Variants in FUBP3 observed in about 807,000 individuals in gnomAD.
FUBP3 encodes far upstream element-binding protein 3.
A neutral mutation model predicts 85.6 loss-of-function variants in FUBP3; 28 were observed. The observed-to-expected ratio is 0.33, with a 90% confidence interval of 0.24 to 0.45. The LOEUF (loss-of-function observed/expected upper bound fraction) is 0.45. Among genes scored for constraint, FUBP3 ranks in the 20% least tolerant of loss-of-function variants. FUBP3 has a pLI of 1.00. For missense variants in FUBP3, 583 were observed against 755.1 expected, an observed-to-expected ratio of 0.77 and a Z score of 2.67; for synonymous variants, 271 against 271.4, an observed-to-expected ratio of 1.00 and a Z score of 0.01.
chr9:130,594,979 C>T (rs895624569), intron 1 of FUBP3, among the ~76,000 whole-genome samples: 1 of 151,036 alleles, frequency 6.6e-6, no homozygotes, highest in Non-Finnish European at 1.5e-5. Context: ...ATAATCCCAG[C>T]ACTTTGAGAG....
chr9:130,581,859 C>G (rs1830144160), intron 1 of FUBP3: 1 of 152,170 alleles, frequency 6.6e-6, no homozygotes, highest in South Asian at 2.1e-4. Context: ...GATCGTAATA[C>G]TCTCAGTTGA....
Position 130,579,609 on chromosome 9 carries a change from G to GAGGCCGGACCGGGGAGCCGAGCGGC in FUBP3, c.-71_-47dup. The GAGGCCGGACCGGGGAGCCGAGCGGC allele has an allele frequency of 1.0e-6, 1 of 964,054 alleles. No homozygotes were observed. The highest frequency in any genetic ancestry group is 5.2e-5 in the South Asian group (1 of 19,186). The allele number at this position is 964,054 out of a possible 1,614,324, so 59.7% of individuals were successfully genotyped here. A position where few individuals can be genotyped will look rare whatever the true frequency, so the allele number is the denominator to read the frequency against. On this transcript the variant is annotated 5_prime_UTR_variant, in exon 1 of 19. Transcript: ENST00000319725. Reference sequence around the variant, plus strand: ...GGCTACGGGTCCCCAAGCGGAGCGGGAGGCCGGACCGGGGAGCCGAGCGGC... The same window carrying GAGGCCGGACCGGGGAGCCGAGCGGC: ...GGCTACGGGTCCCCAAGCGGAGCGGGAGGCCGGACCGGGGAGCCGAGCGGCAGGCCGGACCGGGGAGCCGAGCGGC...
intron 9 of FUBP3, 141 bp downstream of exon 9, chr9:130,620,599 G>T (rs975308325): frequency 4.9e-5 from 23 of 469,820 alleles, no homozygotes; most frequent in Admixed American, 2.5e-4. Context: ...CTTAGGGTGG[G>T]TGTGAGGGTG....
intron 1 of FUBP3, among the ~76,000 whole-genome samples, chr9:130,586,768 T>TTTC (rs1830355051): frequency 7.2e-6 from 1 of 139,208 alleles, no homozygotes; most frequent in Non-Finnish European, 1.5e-5. Context: ...TTTTTTTTTT[T>TTTC]CAGACGGAGT....
intron 6 of FUBP3, among the ~76,000 whole-genome samples, chr9:130,615,035 TAAG>T (rs1437240187): frequency 1.3e-5 from 2 of 152,210 alleles, no homozygotes. Flanking sequence ...ACAGGGGTGC[TAAG>T]ATTATATCTG....
chr9:130,633,129 C>T (rs75925530), intron 16 of FUBP3, among the ~76,000 whole-genome samples: 2,809 of 152,322 alleles, frequency 0.018, 61 homozygotes, highest in African/African-American at 0.053. Context: ...GCCTTAGGCA[C>T]GCCCTGCCTT....
chr9:130,589,705 A>ATTT (rs779633795), intron 1 of FUBP3, among the ~76,000 whole-genome samples: 24 of 73,816 alleles, frequency 3.3e-4, no homozygotes, highest in African/African-American at 6.9e-4. Context: ...ATATATATAT[A>ATTT]TTTTTTTTTT....
Position 130,635,482 on chromosome 9 carries a change from C to T in FUBP3, c.1583-517C>T, listed in dbSNP as rs1042120623. Among the ~76,000 whole-genome samples the T allele has an allele frequency of 4.6e-5, 7 of 152,168 alleles. No homozygotes were observed. The South Asian group carries it at 6.2e-4, about 13-fold the overall frequency. On this transcript the variant is annotated intron_variant, in intron 17 of 18. Transcript: ENST00000319725. The surrounding 1 kb of genome is among the most constrained non-coding windows in gnomAD (Gnocchi z 4.3). ...GTGGTCCCCCTGGTGTTGGCATCAT[C>T]GCCAGGTTCATGGCCCTTCTAGGGG...
At chr9:130,607,851 C>T (rs1831538158) in intron 2 of FUBP3, among the ~76,000 whole-genome samples, 2 of 152,208 alleles carry the variant, frequency 1.3e-5, no homozygotes. Flanking sequence ...TGGACTTGAA[C>T]CTGATTTCCT....
chr9:130,625,455 A>T (rs1195077115), intron 11 of FUBP3, among the ~76,000 whole-genome samples: 1 of 152,224 alleles, frequency 6.6e-6, no homozygotes, highest in African/African-American at 2.4e-5. Flanking sequence ...TTTACTCTTA[A>T]TCAACATGAG....
chr9:130,590,703 T>G (rs988993238), intron 1 of FUBP3, among the ~76,000 whole-genome samples: 1 of 152,224 alleles, frequency 6.6e-6, no homozygotes, highest in Non-Finnish European at 1.5e-5. Context: ...AAGAATTGCT[T>G]GGGCTCTGTG....
intron 2 of FUBP3, among the ~76,000 whole-genome samples, chr9:130,600,696 G>A (rs186210796): frequency 6.6e-6 from 1 of 152,270 alleles, no homozygotes; most frequent in African/African-American, 2.4e-5. Flanking sequence ...TTAGGGGCCA[G>A]GCATGGTGGC....
chr9:130,586,981 C>G (rs1830365125), intron 1 of FUBP3, among the ~76,000 whole-genome samples: 1 of 151,930 alleles, frequency 6.6e-6, no homozygotes, highest in South Asian at 2.1e-4. Flanking sequence ...AAACTCCTGA[C>G]CTTGTGATCC....
chr9:130,579,890 TC>T (rs1830057742), intron 1 of FUBP3, 126 bp downstream of exon 1: 2 of 523,290 alleles, frequency 3.8e-6, no homozygotes, highest in Non-Finnish European at 5.8e-6. Context: ...GCCGGGCCGT[TC>T]CGTGGAGTTC....
chr9:130,621,662 T>C (rs1829752679), intron 9 of FUBP3, among the ~76,000 whole-genome samples: 1 of 152,156 alleles, frequency 6.6e-6, no homozygotes, highest in Non-Finnish European at 1.5e-5. Flanking sequence ...ATCCCAGCAC[T>C]TTGGGAGGCA....
At chr9:130,621,522 A>G (rs1203823697) in intron 9 of FUBP3, among the ~76,000 whole-genome samples, 1 of 152,198 alleles carries the variant, frequency 6.6e-6, no homozygotes, top group Non-Finnish European at 1.5e-5. Flanking sequence ...TTGGAAGGCA[A>G]AATTACTATT....
chr9:130,630,450 G>A (rs1305755578), intron 12 of FUBP3, among the ~76,000 whole-genome samples, 178 bp from the exon 13 acceptor site: 1 of 152,236 alleles, frequency 6.6e-6, no homozygotes, highest in Non-Finnish European at 1.5e-5. Context: ...GCAAGTGAGA[G>A]AGCCCTGGGT....
intron 5 of FUBP3, 91 bp downstream of exon 5, chr9:130,613,118 A>G: frequency 1.3e-6 from 1 of 771,856 alleles, no homozygotes; most frequent in Non-Finnish European, 2.2e-6. Context: ...TTGCTTGGGT[A>G]AGTATATGCG....
intron 2 of FUBP3, among the ~76,000 whole-genome samples, chr9:130,599,955 C>G (rs1831071085): frequency 6.6e-6 from 1 of 152,164 alleles, no homozygotes; most frequent in African/African-American, 2.4e-5. Context: ...TCCTCTCTCC[C>G]CTCACCCAGC....
Sources: allele counts gnomAD v4.1 joint callset (sites outside exome capture counted in the v4.1 genomes callset), GRCh38; gene constraint gnomAD v4.1.1; non-coding constraint Gnocchi (gnomAD v3.1); transcripts MANE v1.5; gene names NCBI Gene and HGNC (gene_info 2026-07-23, HGNC 2026-07-21).